FOXJ2: variants seen among roughly 807,000 people sequenced by gnomAD.
FOXJ2 encodes forkhead box J2, also known as forkhead box protein J2.
Under a neutral mutation model 68.4 loss-of-function variants are expected in FOXJ2, and 18 were observed. The observed-to-expected ratio is 0.26, with a 90% CI of 0.18 to 0.39. The LOEUF (loss-of-function observed/expected upper bound fraction) is 0.39, where lower values mean the gene tolerates loss of function less well. Among genes scored for constraint, FOXJ2 ranks in the 10% least tolerant of loss-of-function variants. FOXJ2 has a pLI of 1.00. For missense variants in FOXJ2, 670 were observed against 726.5 expected (o/e 0.92, Z 0.89); for synonymous variants, 274 against 263.2 (o/e 1.04, Z -0.40).
At chr12:8,037,258 T>C (rs1037471965) in intron 1 of FOXJ2, among the ~76,000 whole-genome samples, 1 of 151,618 alleles carries the variant, frequency 6.6e-6, no homozygotes, top group Admixed American at 6.6e-5. Flanking sequence ...GGTGAGGAAG[T>C]GGGATGGGTC....
chr12:8,042,135 C>T (rs1423764764), intron 2 of FOXJ2, among the ~76,000 whole-genome samples: 1 of 152,212 alleles, frequency 6.6e-6, no homozygotes, highest in Non-Finnish European at 1.5e-5. Context: ...ACCTCAGCCT[C>T]CCAAAGTGTT....
At position 8,053,167 on chromosome 12, in the gene FOXJ2, T is replaced by G. The variant is rs1250380761; in HGVS notation, c.*317T>G. 1 of 153,260 alleles carries G rather than the reference T, an allele frequency of 6.5e-6. No individual in the cohort carries two copies. The highest frequency in any genetic ancestry group is 2.4e-5 in the African/African-American group (1 of 41,454). The allele number at this position is 153,260 out of a possible 1,614,324, so 9.5% of individuals were successfully genotyped here. A position where few individuals can be genotyped will look rare whatever the true frequency, so the allele number is the denominator to read the frequency against. On this transcript the variant is annotated 3_prime_UTR_variant, in exon 11 of 11. Coordinates refer to ENST00000162391, the MANE Select transcript of FOXJ2 (RefSeq NM_018416.3). The surrounding 1 kb of genome is among the most constrained non-coding windows in gnomAD (Gnocchi z 4.1). ...GGATCATGTCCACCTTTTGCTAATT[T>G]AAAATCATCAGGCTGGAAGATGAAG...
rs1015038518 is a variant in FOXJ2, at chr12:8,053,687, C to A, written c.*837C>A. 1 of 152,190 alleles carries A rather than the reference C, an allele frequency of 6.6e-6. No homozygotes were observed. The highest frequency in any genetic ancestry group is 1.5e-5 in the Non-Finnish European group (1 of 68,032). The allele number at this position is 152,190 out of a possible 1,614,324, so 9.4% of individuals were successfully genotyped here. On this transcript the variant is annotated 3_prime_UTR_variant, in exon 11 of 11. Coordinates refer to ENST00000162391, the MANE Select transcript of FOXJ2 (RefSeq NM_018416.3). The surrounding 1 kb of genome is among the most constrained non-coding windows in gnomAD (Gnocchi z 4.1). ...ATGGTAGGGCATGAGGACAACTATTCAGCATGGTTTTAGCTTCTTGGAGAT... is the reference window on the plus strand; with the variant it reads ...ATGGTAGGGCATGAGGACAACTATTAAGCATGGTTTTAGCTTCTTGGAGAT...
intron 7 of FOXJ2, 37 bp from the exon 8 acceptor site, chr12:8,048,660 C>G: frequency 1.9e-6 from 3 of 1,569,172 alleles, no homozygotes; most frequent in Non-Finnish European, 2.6e-6. Context: ...TTACACTTCA[C>G]TCTATCTTAT....
Position 8,040,882 on chromosome 12 carries a change from T to A in FOXJ2, c.333+717T>A, listed in dbSNP as rs145625661. On this transcript the variant is annotated intron_variant, in intron 2 of 10. Transcript: ENST00000162391. The surrounding 1 kb of genome is among the most constrained non-coding windows in gnomAD (Gnocchi z 4.0). ...AGAGCATCAGATTTCCATAGCTCCA[T>A]TGCACAGTCATCATCTTTTGAAAAG... 1.3e-5 allele frequency among the ~76,000 whole-genome samples: 2 copies of A among 152,294 alleles called. No homozygotes were observed. The highest frequency in any genetic ancestry group is 3.9e-4 in the East Asian group (2 of 5,186).
chr12:8,039,381 C>T (rs1021057791), intron 1 of FOXJ2, among the ~76,000 whole-genome samples: 2 of 152,050 alleles, frequency 1.3e-5, no homozygotes, highest in South Asian at 2.1e-4. Flanking sequence ...TATGTACGTT[C>T]GTGCCGTCTA....
At chr12:8,051,681 A>G (rs1285319034) in intron 10 of FOXJ2, among the ~76,000 whole-genome samples, 1 of 152,160 alleles carries the variant, frequency 6.6e-6, no homozygotes, top group Non-Finnish European at 1.5e-5. Flanking sequence ...GCAGGGAGAC[A>G]CTAAATTGCC....
At chr12:8,048,525 G>A (rs79927542) in intron 7 of FOXJ2, among the ~76,000 whole-genome samples, 172 bp from the exon 8 acceptor site, 3 of 152,236 alleles carry the variant, frequency 2.0e-5, no homozygotes, top group Admixed American at 6.5e-5. Flanking sequence ...TACTTAAAGC[G>A]TAGCTAGCTT....
chr12:8,039,960 C>T lies in FOXJ2; in HGVS notation c.128C>T (p.Ser43Leu). 1 of 1,614,154 alleles carries T rather than the reference C, an allele frequency of 6.2e-7. No homozygotes were observed. Among genetic ancestry groups the T allele is most frequent in the South Asian group, 1.1e-5 (1 of 91,078 alleles). ...CCTCCCGGGAGCAGCCGCAAGTGTT[C>T]ACCAGGGTCACCCACAGATCCTAAT... ...AGPPGSSRKC[S>L]PGSPTDPNAT... is the part of the protein sequence containing the mutation. The change falls in exon 2 of 11, where the codon TCA becomes TTA. Residue 43 changes from serine to leucine, a missense_variant. Physicochemically the swap from Ser to Leu is moderately radical, Grantham distance 145. Coordinates refer to ENST00000162391, the MANE Select transcript of FOXJ2 (RefSeq NM_018416.3).
At chr12:8,050,316 C>A in intron 9 of FOXJ2, 1 of 1,298,992 alleles carries the variant, frequency 7.7e-7, no homozygotes, top group Non-Finnish European at 9.7e-7. Flanking sequence ...TTTCCTATTT[C>A]ACAATTGTAC....
At position 8,035,218 on chromosome 12, in the gene FOXJ2, C is replaced by T. The variant is rs1205859045; in HGVS notation, c.-15+1385C>T. 1.2e-4 allele frequency among the ~76,000 whole-genome samples: 18 copies of T among 152,142 alleles called. No homozygotes were observed. On this transcript the variant is annotated intron_variant, in intron 1 of 10. Coordinates refer to ENST00000162391, the MANE Select transcript of FOXJ2 (RefSeq NM_018416.3). This position sits in a 1 kb window ranked among gnomAD's most constrained non-coding sequence, Gnocchi z 4.0. ...GTGGGTATGTGTGTGGAGACAGGTA[C>T]TTATGTGCTTTTCAGACTATACTCC... is the stretch of plus-strand genomic sequence containing the variant.
At position 8,049,348 on chromosome 12, in the gene FOXJ2, T is replaced by C; in HGVS notation, c.1328-14T>C. The C allele has an allele frequency of 3.8e-6, 6 of 1,597,224 alleles. No individual in the cohort carries two copies. Among genetic ancestry groups the C allele is most frequent in the Non-Finnish European group, 5.1e-6 (6 of 1,167,624 alleles). On this transcript the variant is annotated splice_polypyrimidine_tract_variant and intron_variant, in intron 8 of 10. Transcript: ENST00000162391. ...CCTCTGCAAGGTTTGCATTGCTTGCTTCCCTCTTTGTAGAACTGATGGAGA... is the reference window on the plus strand; with the variant it reads ...CCTCTGCAAGGTTTGCATTGCTTGCCTCCCTCTTTGTAGAACTGATGGAGA...
At chr12:8,047,784 A>C (rs2121345516) in intron 6 of FOXJ2, 98 bp from the exon 7 acceptor site, 2 of 1,433,258 alleles carry the variant, frequency 1.4e-6, no homozygotes, top group Non-Finnish European at 1.9e-6. Flanking sequence ...TTAACTCCAC[A>C]GTTTTAGTCT....
rs760139356 is a variant in FOXJ2, at chr12:8,044,851, A to T, written c.710A>T (p.His237Leu). The change falls in exon 6 of 11, where the codon CAT becomes CTT. Residue 237 changes from histidine (H) to leucine (L), a missense_variant. Coordinates refer to ENST00000162391, the MANE Select transcript of FOXJ2 (RefSeq NM_018416.3). ...CCCCCTCCCCTCTATAACACCAACC[A>T]TGACTTTAAATTCTCCTACTCAGAG... The part of the protein sequence containing the change: ...EGPPPLYNTN[H>L]DFKFSYSEIN... 5 of 1,614,026 alleles carry T rather than the reference A, an allele frequency of 3.1e-6. No individual in the cohort carries two copies. The highest frequency in any genetic ancestry group is 4.2e-6 in the Non-Finnish European group (5 of 1,179,924).
rs1055514191 is a variant in FOXJ2 at position 8,035,910 on chromosome 12, G to A, written c.-15+2077G>A. 3.3e-5 allele frequency among the ~76,000 whole-genome samples: 5 copies of A among 152,126 alleles called. No homozygotes were observed. The highest frequency in any genetic ancestry group is 1.2e-4 in the African/African-American group (5 of 41,410). The stretch of plus-strand genomic sequence containing the variant: ...AGTACTGGGTGATATTATCTCTAAA[G>A]GAAAAGTTTGAGATTCTGACATCCT... On this transcript the variant is annotated intron_variant, in intron 1 of 10. Coordinates refer to ENST00000162391, the MANE Select transcript of FOXJ2 (RefSeq NM_018416.3). The surrounding 1 kb of genome is among the most constrained non-coding windows in gnomAD (Gnocchi z 4.0).
chr12:8,052,791 C>T lies in FOXJ2; in HGVS notation c.1666C>T (p.Pro556Ser), dbSNP rs759484122. ...AHHMVPRPSV[P>S]PPGANEEIPD... ...CCATATGGTCCCTCGGCCATCAGTG[C>T]CACCTCCTGGTGCCAATGAGGAGAT... The change falls in exon 11 of 11, where the codon CCA becomes TCA. Residue 556 changes from proline to serine, a missense_variant. Transcript: ENST00000162391. 1.9e-6 allele frequency: 3 copies of T among 1,610,586 alleles called. No individual in the cohort carries two copies. The South Asian group carries it at 3.3e-5, about 18-fold the overall frequency.
chr12:8,051,214 C>G (rs2121357716), intron 10 of FOXJ2, among the ~76,000 whole-genome samples: 1 of 150,588 alleles, frequency 6.6e-6, no homozygotes, highest in Admixed American at 6.6e-5. Context: ...ACTACAACCT[C>G]CACCTCCTGG....
chr12:8,053,006 C>T lies in FOXJ2; in HGVS notation c.*156C>T, dbSNP rs754601377. The T allele has an allele frequency of 1.3e-4, 55 of 410,692 alleles. 2 individuals carry two copies. In the South Asian group the frequency reaches 3.1e-3, roughly 23 times the overall value. The allele number at this position is 410,692 out of a possible 1,614,324, so 25.4% of individuals were successfully genotyped here. On this transcript the variant is annotated 3_prime_UTR_variant, in exon 11 of 11. Transcript: ENST00000162391. This position sits in a 1 kb window ranked among gnomAD's most constrained non-coding sequence, Gnocchi z 4.1. Reference sequence around the variant, plus strand: ...CAGAGAAGCCACTGCAAGATGCTGCCGAAGATAACCCTCTCTTTCCTGCCT... The same window carrying T: ...CAGAGAAGCCACTGCAAGATGCTGCTGAAGATAACCCTCTCTTTCCTGCCT...
chr12:8,037,788 G>T (rs1395570853), intron 1 of FOXJ2, among the ~76,000 whole-genome samples: 1 of 152,176 alleles, frequency 6.6e-6, no homozygotes, highest in African/African-American at 2.4e-5. Flanking sequence ...CCCAGCTACA[G>T]GACTGTGATC....
Sources: gnomAD v4.1 joint callset for allele counts (sites outside exome capture counted in the v4.1 genomes callset) on GRCh38, gnomAD v4.1.1 for gene constraint, Gnocchi (gnomAD v3.1) non-coding constraint, MANE v1.5 for transcripts, NCBI Gene and HGNC (gene_info 2026-07-23, HGNC 2026-07-21) for gene names.